ATIC: variants seen among roughly 807,000 people sequenced by gnomAD.
ATIC encodes 5-aminoimidazole-4-carboxamide ribonucleotide formyltransferase/IMP cyclohydrolase, also known as bifunctional purine biosynthesis protein ATIC.
A neutral mutation model predicts 72.5 loss-of-function variants in ATIC; 64 were observed. The observed-to-expected ratio is 0.88, with a 90% CI of 0.72 to 1.09. The LOEUF is 1.09. Among genes scored for constraint, ATIC ranks in the 50% least tolerant of loss-of-function variants. The pLI, the probability that ATIC is intolerant of heterozygous loss-of-function variation, is 0.00. For synonymous variants in ATIC, 281 were observed against 267.1 expected (o/e 1.05, Z -0.51); for missense variants, 787 against 732.4 (o/e 1.07, Z -0.86).
chr2:215,329,854 C>A (rs765369474), intron 7 of ATIC, among the ~76,000 whole-genome samples: 11 of 152,094 alleles, frequency 7.2e-5, no homozygotes, highest in Non-Finnish European at 1.6e-4. Flanking sequence ...CCTCCGCCTC[C>A]CAGGTTCAAG....
downstream of ATIC, among the ~76,000 whole-genome samples, chr2:215,350,911 T>C (rs77371117): frequency 5.4e-3 from 827 of 152,312 alleles, 5 homozygotes; most frequent in African/African-American, 0.019. Context: ...TAAATAAAAA[T>C]TTCTGAAGTT....
At chr2:215,333,582 T>A in intron 9 of ATIC, 125 bp downstream of exon 9, 2 of 625,228 alleles carry the variant, frequency 3.2e-6, no homozygotes, top group Non-Finnish European at 5.3e-6. Context: ...TAGATGAAAT[T>A]AAGGACTTCT....
Position 215,326,833 on chromosome 2 carries a change from T to C in ATIC, c.543T>C (p.His181=), listed in dbSNP as rs886469025. ...TACGCTTTTTGTAGGCATTCACTCA[T>C]ACGGCACAATATGATGAAGCAATTT... ...RRQLALKAFT[H]TAQYDEAISD... Residue 181 remains histidine, a synonymous_variant, in exon 7 of 16, where the codon CAT becomes CAC. Coordinates refer to ENST00000236959, the MANE Select transcript of ATIC (RefSeq NM_004044.7). 3 of 1,614,064 alleles carry C rather than the reference T, an allele frequency of 1.9e-6. No homozygotes were observed. The African/African-American group carries it at 4.0e-5, about 22-fold the overall frequency.
chr2:215,339,083 G>A (rs1406103034), intron 12 of ATIC, among the ~76,000 whole-genome samples, 176 bp downstream of exon 12: 6 of 152,172 alleles, frequency 3.9e-5, no homozygotes, highest in Admixed American at 3.3e-4. Context: ...TGAATCAAAG[G>A]CCATGTTAGA....
the ATIC span, chr2:215,363,349 A>G: frequency 6.6e-6 from 1 of 152,040 alleles, no homozygotes; most frequent in Admixed American, 6.6e-5. Context: ...CTAAGGTCAT[A>G]CAATCACAGT....
chr2:215,365,336 C>A, the ATIC span, among the ~76,000 whole-genome samples: 10 of 152,186 alleles, frequency 6.6e-5, no homozygotes, highest in African/African-American at 2.4e-4. Context: ...AATCATGACT[C>A]ATTTTTGAAG....
intron 14 of ATIC, chr2:215,347,340 C>T (rs200642491): frequency 2.5e-4 from 91 of 367,410 alleles, no homozygotes; most frequent in Non-Finnish European, 4.3e-4. Flanking sequence ...AATTGCCTGA[C>T]GGCAGGTAAC....
Position 215,312,636 on chromosome 2 carries a change from C to A in ATIC, c.146+12C>A. 6.2e-7 allele frequency: 1 copy of A among 1,614,120 alleles called. No homozygotes were observed. The highest frequency in any genetic ancestry group is 8.5e-7 in the Non-Finnish European group (1 of 1,180,020). ...GGTCTGGCAGTCAGGTAAGGCATAG[C>A]TAGTTCCATCAGAAAGGAGTGTGAT... On this transcript the variant is annotated intron_variant, in intron 2 of 15. Coordinates refer to ENST00000236959, the MANE Select transcript of ATIC (RefSeq NM_004044.7).
chr2:215,323,191 C>T (rs1463578483), intron 4 of ATIC, among the ~76,000 whole-genome samples: 7 of 152,114 alleles, frequency 4.6e-5, no homozygotes, highest in South Asian at 2.1e-4. Context: ...GTGATCCGCC[C>T]GCCTCGGCCT....
chr2:215,312,213 CGCTCCCGCCTTGGCG>C (rs2052659445), intron 1 of ATIC, 52 bp downstream of exon 1: 1 of 1,475,104 alleles, frequency 6.8e-7, no homozygotes, highest in Non-Finnish European at 8.9e-7. Flanking sequence ...CGGCCCCCCA[CGCTCCCGCCTTGGCG>C]GCGGCCGGCG....
intron 4 of ATIC, among the ~76,000 whole-genome samples, chr2:215,323,156 A>G (rs1575115596): frequency 6.6e-6 from 1 of 152,134 alleles, no homozygotes; most frequent in East Asian, 1.9e-4. Flanking sequence ...CGTGTTCGCC[A>G]GGATGGTCTC....
At chr2:215,313,990 C>CT (rs1484561584) in intron 2 of ATIC, among the ~76,000 whole-genome samples, 1 of 151,936 alleles carries the variant, frequency 6.6e-6, no homozygotes, top group Admixed American at 6.6e-5. Flanking sequence ...TCTGTAGTCT[C>CT]TTTTTTTTCC....
rs78562722 is a variant in ATIC, at chr2:215,326,810, C to A, written c.532-12C>A. 2.5e-6 allele frequency: 4 copies of A among 1,613,622 alleles called. No homozygotes were observed. The highest frequency in any genetic ancestry group is 3.4e-6 in the Non-Finnish European group (4 of 1,179,946). ...TGCTGCTCGTGTCTCACAAAACTTA[C>A]GCTTTTTGTAGGCATTCACTCATAC... is the stretch of plus-strand genomic sequence containing the variant. On this transcript the variant is annotated splice_polypyrimidine_tract_variant and intron_variant, in intron 6 of 15. Transcript: ENST00000236959.
At chr2:215,317,451 A>T (rs903257478) in intron 2 of ATIC, among the ~76,000 whole-genome samples, 51 of 152,050 alleles carry the variant, frequency 3.4e-4, no homozygotes, top group African/African-American at 1.2e-3. Flanking sequence ...ACAGTCTTTT[A>T]TGTCTTCACT....
the ATIC span, among the ~76,000 whole-genome samples, chr2:215,360,190 A>C: frequency 6.6e-6 from 1 of 152,160 alleles, no homozygotes; most frequent in Non-Finnish European, 1.5e-5. Context: ...CACCTGCCTC[A>C]GCCTCCCAAA....
At chr2:215,351,874 CAT>C (rs1456111275), downstream of ATIC, among the ~76,000 whole-genome samples, 1 of 152,220 alleles carries the variant, frequency 6.6e-6, no homozygotes, top group African/African-American at 2.4e-5. Flanking sequence ...TCAATAGTGT[CAT>C]GTTGCTAGGA....
At chr2:215,325,156 A>T in intron 4 of ATIC, 85 bp from the exon 5 acceptor site, 1 of 938,642 alleles carries the variant, frequency 1.1e-6, no homozygotes, top group Non-Finnish European at 1.8e-6. Context: ...TTACGTTAAT[A>T]GTACTGACTT....
At chr2:215,316,444 T>G (rs1316000908) in intron 2 of ATIC, among the ~76,000 whole-genome samples, 1 of 152,170 alleles carries the variant, frequency 6.6e-6, no homozygotes, top group Non-Finnish European at 1.5e-5. Context: ...TGCTTTAAAG[T>G]GTTTATTATA....
chr2:215,336,711 T>A lies in ATIC; in HGVS notation c.1098+587T>A, dbSNP rs1174494937. Reference sequence around the variant, plus strand: ...CTGTATCTGTGTATTTTAACTTACCTAGACAGTCACCAATCTTTAGCTACT... The same window carrying A: ...CTGTATCTGTGTATTTTAACTTACCAAGACAGTCACCAATCTTTAGCTACT... On this transcript the variant is annotated intron_variant, in intron 11 of 15. Transcript: ENST00000236959. Among the ~76,000 whole-genome samples, 6 of 152,204 alleles carry A rather than the reference T, an allele frequency of 3.9e-5. No homozygotes were observed. In the South Asian group the frequency reaches 1.2e-3, roughly 31 times the overall value.
Sources: allele counts gnomAD v4.1 joint callset (sites outside exome capture counted in the v4.1 genomes callset), GRCh38; gene constraint gnomAD v4.1.1; transcripts MANE v1.5; gene names NCBI Gene and HGNC (gene_info 2026-07-23, HGNC 2026-07-21).